CHKA: variants seen among roughly 807,000 people sequenced by gnomAD.
CHKA encodes CHETK-alpha.
Under a neutral mutation model 60.1 loss-of-function variants are expected in CHKA, and 34 were observed. The ratio of observed to expected loss-of-function variants is 0.57; its 90% CI spans 0.43 to 0.75. The LOEUF is 0.75. Among genes scored for constraint, CHKA ranks in the 30% least tolerant of loss-of-function variants. The probability of loss-of-function intolerance (pLI) is 0.00; values close to 1 mark genes in which losing one functional copy is unlikely to be tolerated. For synonymous variants in CHKA, 217 were observed against 223.1 expected (o/e 0.97, Z 0.24); for missense variants, 563 against 561.3 (o/e 1.00, Z -0.03).
intron 2 of CHKA, 53 bp downstream of exon 2, chr11:68,096,966 G>C (rs1857532865): frequency 8.0e-7 from 1 of 1,252,460 alleles, no homozygotes; most frequent in African/African-American, 1.5e-5. Context: ...TCAGCAAAGA[G>C]GATTTAAAAT....
intron 1 of CHKA, among the ~76,000 whole-genome samples, chr11:68,105,133 T>C (rs1199890597): frequency 6.6e-6 from 1 of 151,120 alleles, no homozygotes; most frequent in Non-Finnish European, 1.5e-5. Context: ...TTAATGCCTG[T>C]TACATTCTAT....
At chr11:68,057,966 AG>A (rs1451798759) in intron 11 of CHKA, among the ~76,000 whole-genome samples, 1 of 152,066 alleles carries the variant, frequency 6.6e-6, no homozygotes, top group Non-Finnish European at 1.5e-5. Flanking sequence ...GTGTGATCAC[AG>A]CTCCCCTGAC....
At chr11:68,054,164 A>G (rs573214593) in intron 11 of CHKA, 117 bp from the exon 12 acceptor site, 1 of 833,572 alleles carries the variant, frequency 1.2e-6, no homozygotes, top group African/African-American at 1.7e-5. Context: ...ATGAGACCAA[A>G]AGCACAGGAC....
At chr11:68,055,773 G>A (rs781149999) in intron 11 of CHKA, among the ~76,000 whole-genome samples, 5 of 152,236 alleles carry the variant, frequency 3.3e-5, no homozygotes, top group South Asian at 2.1e-4. Context: ...GGCCGGGCGC[G>A]GTGGCTCATG....
chr11:68,087,934 G>A (rs1396408387), intron 2 of CHKA, among the ~76,000 whole-genome samples: 1 of 151,970 alleles, frequency 6.6e-6, no homozygotes, highest in Admixed American at 6.5e-5. Context: ...CCAACATGGT[G>A]AAACCCTGTC....
intron 1 of CHKA, among the ~76,000 whole-genome samples, chr11:68,114,765 G>A (rs1259964138): frequency 1.6e-5 from 2 of 121,416 alleles, no homozygotes; most frequent in Non-Finnish European, 3.5e-5. Flanking sequence ...ATATTATCAA[G>A]TGAAAAAAGC....
intron 1 of CHKA, among the ~76,000 whole-genome samples, chr11:68,118,419 C>T (rs535247804): frequency 1.5e-3 from 235 of 152,014 alleles, no homozygotes; most frequent in African/African-American, 5.2e-3. Flanking sequence ...CCAGCCTGCG[C>T]GACAGAGTGA....
intron 1 of CHKA, among the ~76,000 whole-genome samples, chr11:68,098,882 C>T (rs994580870): frequency 2.8e-5 from 1 of 36,312 alleles, no homozygotes; most frequent in African/African-American, 8.8e-5. Flanking sequence ...TTGGTAGAAA[C>T]GGAGTTTTGC....
intron 2 of CHKA, among the ~76,000 whole-genome samples, chr11:68,090,975 G>A (rs1213597328): frequency 2.0e-5 from 3 of 152,170 alleles, no homozygotes; most frequent in Admixed American, 6.5e-5. Flanking sequence ...TGAACAATAC[G>A]TACTGACATT....
intron 2 of CHKA, among the ~76,000 whole-genome samples, chr11:68,092,537 C>G (rs1857383247): frequency 6.6e-6 from 1 of 152,202 alleles, no homozygotes; most frequent in Non-Finnish European, 1.5e-5. Context: ...CTAAAGCACA[C>G]AGCAGCTGTT....
chr11:68,069,683 A>AT (rs1342573801), intron 6 of CHKA, among the ~76,000 whole-genome samples: 3 of 150,590 alleles, frequency 2.0e-5, no homozygotes, highest in African/African-American at 4.9e-5. Flanking sequence ...ACTCCGTCTT[A>AT]TAAAAAAAAA....
intron 1 of CHKA, among the ~76,000 whole-genome samples, chr11:68,107,375 G>T (rs988845595): frequency 2.6e-5 from 4 of 151,754 alleles, no homozygotes; most frequent in African/African-American, 9.7e-5. Flanking sequence ...CCCAAAATTT[G>T]AAAACCAATT....
chr11:68,082,127 T>C (rs1358082633), intron 2 of CHKA: 3 of 151,994 alleles, frequency 2.0e-5, no homozygotes, highest in Non-Finnish European at 4.4e-5. Flanking sequence ...ATCACTTTCC[T>C]CAATGAAATT....
At position 68,081,466 on chromosome 11, in the gene CHKA, G is replaced by A. The variant is rs1205634989; in HGVS notation, c.463-9C>T. The stretch of plus-strand genomic sequence containing the variant: ...TCTTTATTACAGGACCTCTATGAAT[G>A]AGAAAAAGGAAACACTTCTGGTGAG... On this transcript the variant is annotated splice_polypyrimidine_tract_variant and intron_variant, in intron 2 of 11. Transcript: ENST00000265689. 1.2e-5 allele frequency: 19 copies of A among 1,610,470 alleles called. No homozygotes were observed. In the South Asian group the frequency reaches 1.9e-4, roughly 16 times the overall value.
At position 68,066,493 on chromosome 11, in the gene CHKA, G is replaced by T. The variant is rs1049066025; in HGVS notation, c.952C>A (p.Arg318=). The T allele has an allele frequency of 6.2e-7, 1 of 1,613,794 alleles. No homozygotes were observed. Among genetic ancestry groups the T allele is most frequent in the African/African-American group, 1.3e-5 (1 of 74,872 alleles). Residue 318 remains arginine, a synonymous_variant, in exon 8 of 12, where the codon CGA becomes AGA. Coordinates refer to ENST00000265689, the MANE Select transcript of CHKA (RefSeq NM_001277.3). Reference sequence around the variant, plus strand: ...AGTTTCTGTTTTTCAGAATTCTCTCGGCCTTCCAGCAACAAGATATTACCT... The same window carrying T: ...AGTTTCTGTTTTTCAGAATTCTCTCTGCCTTCCAGCAACAAGATATTACCT... The part of the protein sequence containing the change: ...QEGNILLLEG[R]ENSEKQKLML...
At chr11:68,062,698 T>A (rs1014470139) in intron 10 of CHKA, among the ~76,000 whole-genome samples, 4 of 152,168 alleles carry the variant, frequency 2.6e-5, no homozygotes, top group African/African-American at 9.7e-5. Context: ...AACCCTACTC[T>A]CTGTTCATCC....
chr11:68,079,225 A>C (rs1380245806), intron 3 of CHKA, among the ~76,000 whole-genome samples: 1 of 151,828 alleles, frequency 6.6e-6, no homozygotes, highest in East Asian at 1.9e-4. Context: ...TTTAGTTATC[A>C]CTATTGCATC....
chr11:68,108,470 C>G (rs769266714), intron 1 of CHKA, among the ~76,000 whole-genome samples: 1 of 152,208 alleles, frequency 6.6e-6, no homozygotes, highest in Admixed American at 6.5e-5. Flanking sequence ...GGTGGCTGGG[C>G]GCAGAGGCTC....
intron 1 of CHKA, among the ~76,000 whole-genome samples, chr11:68,110,206 C>T (rs180781040): frequency 2.6e-5 from 4 of 152,242 alleles, no homozygotes; most frequent in Non-Finnish European, 1.5e-5. Flanking sequence ...CTACGAAGAA[C>T]AGGAACAAGG....
Sources: gnomAD v4.1 joint callset for allele counts (sites outside exome capture counted in the v4.1 genomes callset) on GRCh38, gnomAD v4.1.1 for gene constraint, MANE v1.5 for transcripts, NCBI Gene and HGNC (gene_info 2026-07-23, HGNC 2026-07-21) for gene names.